ZCCHC17: variants seen among roughly 807,000 people sequenced by gnomAD.
ZCCHC17 encodes zinc finger CCHC-type containing 17, also known as zinc finger CCHC domain-containing protein 17.
In ZCCHC17, 18 loss-of-function variants were observed where a neutral mutation model predicts 30.6. The ratio of observed to expected loss-of-function variants is 0.59; its 90% CI spans 0.41 to 0.87. The LOEUF is 0.87. Ranked by LOEUF, ZCCHC17 falls within the 40% of genes least tolerant of loss-of-function variation. The pLI is 0.00. For missense variants in ZCCHC17, 263 were observed against 284.2 expected (o/e 0.93, Z 0.54); for synonymous variants, 88 against 92.4 (o/e 0.95, Z 0.27).
Position 31,321,156 on chromosome 1 carries a change from C to A in ZCCHC17, c.124+1990C>A, listed in dbSNP as rs147705468. ...CATCTTGAATTGTAGTTCTCGTAAT[C>A]CCCATGTGCTGTGGTAGGGACCAGG... On this transcript the variant is annotated intron_variant, in intron 3 of 7. Coordinates refer to ENST00000344147, the MANE Select transcript of ZCCHC17 (RefSeq NM_016505.4). Among the ~76,000 whole-genome samples the A allele has an allele frequency of 2.8e-4, 42 of 152,220 alleles. No individual in the cohort carries two copies. In the East Asian group the frequency reaches 6.6e-3, roughly 24 times the overall value.
At chr1:31,339,956 A>ATTT (rs1258794486) in intron 5 of ZCCHC17, among the ~76,000 whole-genome samples, 1 of 58,648 alleles carries the variant, frequency 1.7e-5, no homozygotes, top group Non-Finnish European at 4.2e-5. Flanking sequence ...TCTTTCTTGG[A>ATTT]TTTCTTTTTT....
At chr1:31,357,589 C>T (rs1327714660) in intron 7 of ZCCHC17, among the ~76,000 whole-genome samples, 1 of 152,082 alleles carries the variant, frequency 6.6e-6, no homozygotes, top group Non-Finnish European at 1.5e-5. Flanking sequence ...GGTCGATTGA[C>T]ACAGATAATA....
chr1:31,323,301 A>G (rs1462136017), intron 3 of ZCCHC17, among the ~76,000 whole-genome samples: 1 of 152,102 alleles, frequency 6.6e-6, no homozygotes, highest in Non-Finnish European at 1.5e-5. Context: ...GATAAAGTGT[A>G]CATAAAACCT....
chr1:31,350,745 G>A (rs770335956), intron 7 of ZCCHC17, among the ~76,000 whole-genome samples: 2 of 151,978 alleles, frequency 1.3e-5, no homozygotes, highest in Non-Finnish European at 2.9e-5. Context: ...GACTACAGGC[G>A]CAAGCCACCA....
At chr1:31,337,765 C>T (rs1323554839) in intron 4 of ZCCHC17, among the ~76,000 whole-genome samples, 1 of 151,968 alleles carries the variant, frequency 6.6e-6, no homozygotes, top group Non-Finnish European at 1.5e-5. Flanking sequence ...GGTATGAGGG[C>T]TGTGGGTGTG....
chr1:31,364,266 C>T lies in ZCCHC17; in HGVS notation c.*73C>T. ...TTGTGCCTTGAGACTCCTGGAAAGA[C>T]TCAATAGTGAGAATATAGCCTCCCA... On this transcript the variant is annotated 3_prime_UTR_variant, in exon 8 of 8. Transcript: ENST00000344147. 6.6e-7 allele frequency: 1 copy of T among 1,520,550 alleles called. No individual in the cohort carries two copies. Among genetic ancestry groups the T allele is most frequent in the Non-Finnish European group, 8.8e-7 (1 of 1,137,604 alleles). The allele number at this position is 1,520,550 out of a possible 1,614,324, so 94.2% of individuals were successfully genotyped here.
In ZCCHC17 at chr1:31,339,340, A is replaced by G. The variant is rs182856776; in HGVS notation, c.317+292A>G. On this transcript the variant is annotated intron_variant, in intron 5 of 7. Transcript: ENST00000344147. ...TGGCGAAACCCCGTCTCTACTAAAA[A>G]TACAAAACTAGAAATTTGCTGGATG... Among the ~76,000 whole-genome samples, 49 of 152,284 alleles carry G rather than the reference A, an allele frequency of 3.2e-4. No individual in the cohort carries two copies. In the East Asian group the frequency reaches 8.1e-3, roughly 25 times the overall value.
intron 3 of ZCCHC17, among the ~76,000 whole-genome samples, chr1:31,331,234 C>T (rs1465432371): frequency 6.6e-6 from 1 of 152,022 alleles, no homozygotes; most frequent in Non-Finnish European, 1.5e-5. Context: ...CCTCCATCTC[C>T]GGTTCAAGTG....
chr1:31,311,418 G>T (rs1448093621), intron 2 of ZCCHC17, among the ~76,000 whole-genome samples: 1 of 152,194 alleles, frequency 6.6e-6, no homozygotes, highest in African/African-American at 2.4e-5. Flanking sequence ...CTGAGTTCTT[G>T]CTCTCTCTTT....
At chr1:31,325,992 T>TAA (rs71569978) in intron 3 of ZCCHC17, among the ~76,000 whole-genome samples, 15 of 138,820 alleles carry the variant, frequency 1.1e-4, no homozygotes, top group African/African-American at 3.4e-4. Flanking sequence ...CCCTGTCCCT[T>TAA]AAAAAAAAAA....
chr1:31,342,824 C>G (rs1639096335), intron 5 of ZCCHC17, among the ~76,000 whole-genome samples: 1 of 152,030 alleles, frequency 6.6e-6, no homozygotes, highest in Non-Finnish European at 1.5e-5. Flanking sequence ...CCTTGATGGT[C>G]AGAGAATAGG....
intron 2 of ZCCHC17, among the ~76,000 whole-genome samples, chr1:31,316,411 C>T (rs990782545): frequency 1.3e-5 from 2 of 152,136 alleles, no homozygotes; most frequent in Non-Finnish European, 2.9e-5. Flanking sequence ...CCAGATGCTA[C>T]TTTTAAGTTT....
At chr1:31,351,109 A>G (rs1639453895) in intron 7 of ZCCHC17, among the ~76,000 whole-genome samples, 1 of 151,994 alleles carries the variant, frequency 6.6e-6, no homozygotes, top group South Asian at 2.1e-4. Flanking sequence ...CACCAGTACC[A>G]CCAAAACCCT....
chr1:31,315,808 G>C (rs1239257887), intron 2 of ZCCHC17, among the ~76,000 whole-genome samples: 1 of 152,138 alleles, frequency 6.6e-6, no homozygotes. Context: ...AATTATTCTT[G>C]GGACACCAGG....
Position 31,346,598 on chromosome 1 carries a change from A to G in ZCCHC17, c.318-42A>G, listed in dbSNP as rs3765153. Reference sequence around the variant, plus strand: ...CTTACCTTGTAGTATCTCTGGCCATATCTCTTAAGGGGGCCGGCAGTCGGT... The same window carrying G: ...CTTACCTTGTAGTATCTCTGGCCATGTCTCTTAAGGGGGCCGGCAGTCGGT... On this transcript the variant is annotated intron_variant, in intron 5 of 7. Transcript: ENST00000344147. 5.7e-3 allele frequency: 8,779 copies of G among 1,553,746 alleles called. 296 individuals are homozygous for G. In the East Asian group the frequency reaches 0.1, roughly 18 times the overall value.
intron 7 of ZCCHC17, among the ~76,000 whole-genome samples, chr1:31,356,972 T>G (rs1305960435): frequency 6.6e-6 from 1 of 152,240 alleles, no homozygotes; most frequent in Non-Finnish European, 1.5e-5. Flanking sequence ...ACTTGTGGTC[T>G]GTGCTTTACT....
At chr1:31,315,740 A>G (rs1646717505) in intron 2 of ZCCHC17, among the ~76,000 whole-genome samples, 1 of 152,194 alleles carries the variant, frequency 6.6e-6, no homozygotes, top group South Asian at 2.1e-4. Context: ...ACTTTACCCA[A>G]GCTCTAATGA....
At chr1:31,323,934 A>G (rs761034072) in intron 3 of ZCCHC17, among the ~76,000 whole-genome samples, 2 of 151,970 alleles carry the variant, frequency 1.3e-5, no homozygotes, top group Non-Finnish European at 2.9e-5. Context: ...TACATAAATT[A>G]TGTGCATCTG....
At chr1:31,327,639 T>TTAC (rs1423172134) in intron 3 of ZCCHC17, among the ~76,000 whole-genome samples, 1 of 152,168 alleles carries the variant, frequency 6.6e-6, no homozygotes, top group Admixed American at 6.5e-5. Context: ...ATTAGTCCCT[T>TTAC]AGTAGCCTTC....
Sources: allele counts gnomAD v4.1 joint callset (sites outside exome capture counted in the v4.1 genomes callset), GRCh38; gene constraint gnomAD v4.1.1; transcripts MANE v1.5; gene names NCBI Gene and HGNC (gene_info 2026-07-23, HGNC 2026-07-21).